Variants in NAALADL2 observed in about 807,000 individuals in gnomAD.
The protein encoded by NAALADL2 is inactive N-acetylated-alpha-linked acidic dipeptidase-like protein 2.
A neutral mutation model predicts 87.2 loss-of-function variants in NAALADL2; 76 were observed. That is an observed-to-expected ratio of 0.87 (90% confidence interval 0.72 to 1.05). The LOEUF (loss-of-function observed/expected upper bound fraction) is 1.05. Among genes scored for constraint, NAALADL2 ranks in the 50% least tolerant of loss-of-function variants. NAALADL2 has a pLI of 0.00. For synonymous variants in NAALADL2, 354 were observed against 331.0 expected (o/e 1.07, Z -0.75); for missense variants, 1,089 against 945.8 (o/e 1.15, Z -1.99).
At position 175,182,585 on chromosome 3, in the gene NAALADL2, A is replaced by T. The variant is rs572635991; in HGVS notation, c.546-51346A>T. On this transcript the variant is annotated intron_variant, in intron 2 of 13. Coordinates refer to ENST00000454872, the MANE Select transcript of NAALADL2 (RefSeq NM_207015.3). ...TTTTTTTTTTTTTTTTTTTGTAGAG[A>T]TGTGGTCTTGCTATGTTGCCCTGGC... 9.4e-5 allele frequency among the ~76,000 whole-genome samples: 5 copies of T among 53,304 alleles called. No individual in the cohort carries two copies. In the East Asian group the frequency reaches 2.5e-3, roughly 26 times the overall value. The allele number at this position is 53,304 out of a possible 152,430, so 35.0% of individuals were successfully genotyped here. A position where few individuals can be genotyped will look rare whatever the true frequency, so the allele number is the denominator to read the frequency against.
At chr3:174,946,835 T>C (rs188098562) in intron 1 of NAALADL2, among the ~76,000 whole-genome samples, 6 of 152,328 alleles carry the variant, frequency 3.9e-5, no homozygotes, top group Admixed American at 2.0e-4. Flanking sequence ...GCATACTCTC[T>C]TGCAATTCTT....
chr3:174,768,065 A>C (rs1247757171), intron 3 of NAALADL2, among the ~76,000 whole-genome samples: 3 of 152,206 alleles, frequency 2.0e-5, no homozygotes, highest in Non-Finnish European at 1.5e-5. Context: ...AGGAGAAGCA[A>C]GTCACCCAAG....
At chr3:175,048,434 G>A (rs1754947663) in intron 1 of NAALADL2, among the ~76,000 whole-genome samples, 1 of 151,856 alleles carries the variant, frequency 6.6e-6, no homozygotes, top group African/African-American at 2.4e-5. Flanking sequence ...TTTTCGGTGT[G>A]CTTGCTGTGG....
intron 5 of NAALADL2, among the ~76,000 whole-genome samples, chr3:175,390,852 G>C (rs770746211): frequency 1.1e-4 from 17 of 152,158 alleles, no homozygotes; most frequent in Admixed American, 6.5e-5. Context: ...ATGCCAAGCA[G>C]AAATATTTTG....
At chr3:174,854,080 C>A (rs1324011380) in intron 3 of NAALADL2, among the ~76,000 whole-genome samples, 1 of 152,110 alleles carries the variant, frequency 6.6e-6, no homozygotes, top group Non-Finnish European at 1.5e-5. Flanking sequence ...ATTTGAACTT[C>A]TGTGTTTATT....
At position 175,033,851 on chromosome 3, in the gene NAALADL2, G is replaced by T. The variant is rs377106848; in HGVS notation, c.44-62939G>T. Among the ~76,000 whole-genome samples the T allele has an allele frequency of 3.0e-4, 45 of 152,220 alleles. 1 individual carries two copies. The highest frequency in any genetic ancestry group is 7.7e-4 in the African/African-American group (32 of 41,556). Reference sequence around the variant, plus strand: ...ATCTGAATTTATAGTCTAAGAAGTTGCATTCCAAACCTCTTTGCTGAACTT... The same window carrying T: ...ATCTGAATTTATAGTCTAAGAAGTTTCATTCCAAACCTCTTTGCTGAACTT... On this transcript the variant is annotated intron_variant, in intron 1 of 13. Coordinates refer to ENST00000454872, the MANE Select transcript of NAALADL2 (RefSeq NM_207015.3).
At chr3:174,559,931 A>G (rs1713381706) in intron 2 of NAALADL2, among the ~76,000 whole-genome samples, 1 of 152,200 alleles carries the variant, frequency 6.6e-6, no homozygotes, top group Admixed American at 6.5e-5. Flanking sequence ...CTCCGACTCT[A>G]CCACTGACAC....
chr3:174,910,484 G>A (rs1160027166), intron 1 of NAALADL2, among the ~76,000 whole-genome samples: 2 of 152,038 alleles, frequency 1.3e-5, no homozygotes, highest in Non-Finnish European at 2.9e-5. Flanking sequence ...GGGAACTGAG[G>A]AATAAGCAGT....
chr3:175,638,784 C>T (rs932433662), intron 11 of NAALADL2, among the ~76,000 whole-genome samples: 7 of 152,038 alleles, frequency 4.6e-5, no homozygotes, highest in Admixed American at 2.0e-4. Context: ...CAAGTATAAG[C>T]CTTTAGGGAT....
At chr3:174,493,460 G>A (rs1718327874) in intron 1 of NAALADL2, among the ~76,000 whole-genome samples, 1 of 152,106 alleles carries the variant, frequency 6.6e-6, no homozygotes, top group Non-Finnish European at 1.5e-5. Flanking sequence ...TTCAATGTAA[G>A]TTATTCCCCA....
intron 9 of NAALADL2, among the ~76,000 whole-genome samples, chr3:175,479,960 T>C (rs1726222654): frequency 6.6e-6 from 1 of 151,768 alleles, no homozygotes; most frequent in Non-Finnish European, 1.5e-5. Flanking sequence ...AATTCTCAGA[T>C]AGGAAGAATT....
chr3:174,514,530 G>T (rs1024429456), intron 1 of NAALADL2, among the ~76,000 whole-genome samples: 13 of 152,080 alleles, frequency 8.5e-5, no homozygotes, highest in Admixed American at 1.3e-4. Flanking sequence ...ACTATCAAGA[G>T]AGTTGACTAA....
chr3:175,371,161 T>A (rs562991266), intron 5 of NAALADL2, among the ~76,000 whole-genome samples: 33 of 152,358 alleles, frequency 2.2e-4, no homozygotes, highest in African/African-American at 7.5e-4. Context: ...CACTTTTTTT[T>A]TATATTTAGC....
rs1237242742 is a variant in NAALADL2 at position 174,866,681 on chromosome 3, A to C, written c.43+7231A>C. Among the ~76,000 whole-genome samples the C allele has an allele frequency of 3.9e-5, 6 of 151,930 alleles. No homozygotes were observed. In the East Asian group the frequency reaches 9.7e-4, roughly 24 times the overall value. ...TATGGCAGATCTGGGGAAGAGGAGA[A>C]TAGAGATAAGAATAAGGAAGAGCAT... On this transcript the variant is annotated intron_variant, in intron 1 of 13. Transcript: ENST00000454872.
chr3:175,597,740 A>C (rs892050850), intron 10 of NAALADL2, among the ~76,000 whole-genome samples: 4 of 152,020 alleles, frequency 2.6e-5, no homozygotes, highest in Non-Finnish European at 5.9e-5. Context: ...TATTGTCTCC[A>C]GATATTGCTA....
chr3:175,748,531 A>G (rs1397622413), intron 12 of NAALADL2, among the ~76,000 whole-genome samples: 2 of 152,210 alleles, frequency 1.3e-5, no homozygotes, highest in Non-Finnish European at 2.9e-5. Context: ...ATGATTGTGC[A>G]ATTGTTAGCA....
intron 6 of NAALADL2, chr3:175,459,910 T>A: frequency 3.3e-6 from 1 of 304,384 alleles, no homozygotes; most frequent in Non-Finnish European, 6.4e-6. Flanking sequence ...TCTCTCTGTA[T>A]TCTTTTCACT....
chr3:174,829,070 G>C (rs74554182), intron 3 of NAALADL2, among the ~76,000 whole-genome samples: 4 of 152,020 alleles, frequency 2.6e-5, no homozygotes, highest in Admixed American at 6.6e-5. Context: ...ATCATACAAA[G>C]AGGTTCAGGT....
Position 175,327,695 on chromosome 3 carries a change from C to A in NAALADL2, c.1090+3370C>A, listed in dbSNP as rs376997523. On this transcript the variant is annotated intron_variant, in intron 5 of 13. Coordinates refer to ENST00000454872, the MANE Select transcript of NAALADL2 (RefSeq NM_207015.3). ...AAGAGATTTAGCCTTTCAGGGGTAG[C>A]AAACTATGGGAAGATAAATAAATGG... Among the ~76,000 whole-genome samples, 13 of 150,390 alleles carry A rather than the reference C, an allele frequency of 8.6e-5. No individual in the cohort carries two copies. In the South Asian group the frequency reaches 2.7e-3, roughly 31 times the overall value.
Sources: gnomAD v4.1 joint callset for allele counts (sites outside exome capture counted in the v4.1 genomes callset) on GRCh38, gnomAD v4.1.1 for gene constraint, MANE v1.5 for transcripts, NCBI Gene and HGNC (gene_info 2026-07-23, HGNC 2026-07-21) for gene names.